The following FAF1 variants were observed in gnomAD, a reference collection of about 807,000 sequenced individuals.
FAF1 encodes the protein FAS-associated factor 1.
Under a neutral mutation model 92.5 loss-of-function variants are expected in FAF1, and 25 were observed. The observed-to-expected ratio is 0.27, with a 90% CI of 0.20 to 0.38. The LOEUF is 0.38. Ranked by LOEUF, FAF1 falls within the 10% of genes least tolerant of loss-of-function variation. The pLI, the probability that FAF1 is intolerant of heterozygous loss-of-function variation, is 1.00. For missense variants in FAF1, 636 were observed against 793.3 expected (o/e 0.80, Z 2.38); for synonymous variants, 234 against 273.2 (o/e 0.86, Z 1.42).
chr1:50,847,434 A>G (rs1291107999), intron 2 of FAF1, among the ~76,000 whole-genome samples: 1 of 151,430 alleles, frequency 6.6e-6, no homozygotes, highest in African/African-American at 2.4e-5. Context: ...AAAAAAAAAA[A>G]ACAGTAACAG....
chr1:50,633,260 C>T (rs1653868485), intron 8 of FAF1, among the ~76,000 whole-genome samples: 2 of 152,156 alleles, frequency 1.3e-5, no homozygotes, highest in African/African-American at 4.8e-5. Context: ...TTAAAATGTC[C>T]AAATTAACTT....
chr1:50,738,398 G>T (rs1290063586), intron 6 of FAF1, among the ~76,000 whole-genome samples: 3 of 141,960 alleles, frequency 2.1e-5, no homozygotes, highest in Non-Finnish European at 4.5e-5. Context: ...AGCCAAGATC[G>T]TACCATTGCA....
chr1:50,596,221 A>C lies in FAF1; in HGVS notation c.745-5T>G. The C allele has an allele frequency of 6.2e-7, 1 of 1,600,686 alleles. No homozygotes were observed. Among genetic ancestry groups the C allele is most frequent in the Middle Eastern group, 1.7e-4 (1 of 5,946 alleles). On this transcript the variant is annotated splice_region_variant and splice_polypyrimidine_tract_variant and intron_variant, in intron 8 of 18. Transcript: ENST00000396153. ...CCCTGATTCAGCAAGACACATCTGC[A>C]AAAAGTAGAATCCATCATTTGTAAA...
intron 7 of FAF1, among the ~76,000 whole-genome samples, chr1:50,677,195 T>C (rs1656159598): frequency 6.6e-6 from 1 of 152,172 alleles, no homozygotes; most frequent in Non-Finnish European, 1.5e-5. Flanking sequence ...AAGGTATCAT[T>C]CTCACCTTTC....
intron 7 of FAF1, among the ~76,000 whole-genome samples, chr1:50,672,980 G>A (rs560424653): frequency 4.6e-5 from 7 of 152,072 alleles, no homozygotes; most frequent in South Asian, 2.1e-4. Context: ...TAGAATGGCC[G>A]TGCACAGTGG....
chr1:50,591,498 C>T (rs1389150119), intron 9 of FAF1, among the ~76,000 whole-genome samples: 1 of 152,062 alleles, frequency 6.6e-6, no homozygotes, highest in Non-Finnish European at 1.5e-5. Flanking sequence ...ATGGCGAAAC[C>T]TCGTCTCTAC....
At chr1:50,580,533 A>T (rs1048639930) in intron 12 of FAF1, among the ~76,000 whole-genome samples, 3 of 151,768 alleles carry the variant, frequency 2.0e-5, no homozygotes, top group Non-Finnish European at 4.4e-5. Context: ...CTTTTTCTGT[A>T]TTAAAATTTA....
At chr1:50,455,875 C>G (rs1366252807) in intron 18 of FAF1, among the ~76,000 whole-genome samples, 1 of 151,978 alleles carries the variant, frequency 6.6e-6, no homozygotes, top group Non-Finnish European at 1.5e-5. Context: ...GAGTTCGAGA[C>G]CAGCCAGGCC....
At chr1:50,511,588 T>C (rs545114318) in intron 15 of FAF1, among the ~76,000 whole-genome samples, 1 of 152,346 alleles carries the variant, frequency 6.6e-6, no homozygotes, top group South Asian at 2.1e-4. Context: ...CATCCTTTTT[T>C]ATGGCTGCAT....
At chr1:50,499,298 C>A (rs1465956729) in intron 15 of FAF1, among the ~76,000 whole-genome samples, 1 of 150,900 alleles carries the variant, frequency 6.6e-6, no homozygotes, top group African/African-American at 2.4e-5. Context: ...ATATCCCTCC[C>A]TTTTTCCTGA....
chr1:50,443,961 C>T (rs1377722813), intron 18 of FAF1, among the ~76,000 whole-genome samples: 1 of 152,184 alleles, frequency 6.6e-6, no homozygotes, highest in Non-Finnish European at 1.5e-5. Flanking sequence ...CCGTCTACAG[C>T]CTCAGTGAGG....
In FAF1 at chr1:50,701,162, G is replaced by A. The variant is rs981342969; in HGVS notation, c.657+4624C>T. On this transcript the variant is annotated intron_variant, in intron 7 of 18. Transcript: ENST00000396153. ...TTTCATTCTTGCTAAAATGTCATTC[G>A]TGATTTCAAATTTTAAAAAATCAAA... Among the ~76,000 whole-genome samples, 15 of 152,078 alleles carry A rather than the reference G, an allele frequency of 9.9e-5. 1 individual carries two copies. In the South Asian group the frequency reaches 2.7e-3, roughly 27 times the overall value.
At chr1:50,470,934 C>A (rs796983989) in intron 18 of FAF1, 4 of 152,334 alleles carry the variant, frequency 2.6e-5, no homozygotes, top group African/African-American at 9.6e-5. Context: ...TCACAGCCTG[C>A]TGAAATTACT....
At chr1:50,925,698 A>C (rs1257110813) in intron 1 of FAF1, among the ~76,000 whole-genome samples, 2 of 152,210 alleles carry the variant, frequency 1.3e-5, no homozygotes, top group Non-Finnish European at 2.9e-5. Context: ...CTTTCTCAAA[A>C]AACTAAAAAT....
At chr1:50,821,947 T>C (rs1405984048) in intron 2 of FAF1, among the ~76,000 whole-genome samples, 2 of 151,986 alleles carry the variant, frequency 1.3e-5, no homozygotes, top group African/African-American at 2.4e-5. Context: ...AAATGCTCTA[T>C]TGATTACAGA....
chr1:50,756,240 C>T (rs1318950763), intron 4 of FAF1, among the ~76,000 whole-genome samples: 1 of 152,182 alleles, frequency 6.6e-6, no homozygotes, highest in Non-Finnish European at 1.5e-5. Context: ...TTAGAAATTT[C>T]TTCTGCCAAA....
chr1:50,497,540 CTTTTTTTTTTTTT>C (rs61258960), intron 15 of FAF1, among the ~76,000 whole-genome samples: 2,320 of 100,632 alleles, frequency 0.023, 71 homozygotes, highest in African/African-American at 0.079. Flanking sequence ...ATTCAAAACT[CTTTTTTTTTTTTT>C]TTTTTTTTTT....
intron 8 of FAF1, among the ~76,000 whole-genome samples, chr1:50,636,412 A>T: frequency 8.7e-6 from 1 of 115,206 alleles, no homozygotes; most frequent in Non-Finnish European, 1.6e-5. Context: ...TTTGAGACAG[A>T]GTCTCCTCTA....
At chr1:50,642,467 G>A (rs549432253) in intron 8 of FAF1, among the ~76,000 whole-genome samples, 10 of 151,870 alleles carry the variant, frequency 6.6e-5, no homozygotes, top group Middle Eastern at 3.4e-3. Flanking sequence ...TGGCCAATAC[G>A]GTGAAACCCC....
Sources: gnomAD v4.1 joint callset for allele counts (sites outside exome capture counted in the v4.1 genomes callset) on GRCh38, gnomAD v4.1.1 for gene constraint, MANE v1.5 for transcripts, NCBI Gene and HGNC (gene_info 2026-07-23, HGNC 2026-07-21) for gene names.